The following MYL3 variants were observed in gnomAD, a reference collection of about 807,000 sequenced individuals.
MYL3 encodes the protein myosin light chain 3, also known as CMLC1.
Under a neutral mutation model 21.3 loss-of-function variants are expected in MYL3, and 11 were observed. The observed-to-expected ratio is 0.52, with a 90% CI of 0.32 to 0.85. The LOEUF (loss-of-function observed/expected upper bound fraction) is 0.85, where lower values mean the gene tolerates loss of function less well. Ranked by LOEUF, MYL3 falls within the 40% of genes least tolerant of loss-of-function variation. The pLI, the probability that MYL3 is intolerant of heterozygous loss-of-function variation, is 0.03. For missense variants in MYL3, 206 were observed against 253.3 expected, an observed-to-expected ratio of 0.81 and a Z score of 1.27; for synonymous variants, 88 against 91.6, an observed-to-expected ratio of 0.96 and a Z score of 0.22.
chr3:46,864,622 C>T (rs1048585837), upstream of MYL3, among the ~76,000 whole-genome samples: 2 of 152,198 alleles, frequency 1.3e-5, no homozygotes, highest in African/African-American at 4.8e-5. This position sits in a 1 kb window ranked among gnomAD's most constrained non-coding sequence, Gnocchi z 4.7. Context: ...ACATGTTGCC[C>T]TCTGCCGACC....
chr3:46,879,691 G>A lies in MYL3; in HGVS notation c.-218+2383C>T, dbSNP rs748436795. On this transcript the variant is annotated intron_variant, in intron 1 of 3. Coordinates refer to the MYL3 transcript ENST00000431168. The surrounding 1 kb of genome is among the most constrained non-coding windows in gnomAD (Gnocchi z 4.7). Reference sequence around the variant, plus strand: ...GAGCCCAGGAGGTCAAGGCTGCTGTGAGCCATGACCGTGCCACTGCACTCC... The same window carrying A: ...GAGCCCAGGAGGTCAAGGCTGCTGTAAGCCATGACCGTGCCACTGCACTCC... Among the ~76,000 whole-genome samples, 1 of 152,162 alleles carries A rather than the reference G, an allele frequency of 6.6e-6. No individual in the cohort carries two copies. The highest frequency in any genetic ancestry group is 1.5e-5 in the Non-Finnish European group (1 of 68,026).
At chr3:46,869,793 C>T (rs776657627) in intron 1 of MYL3, among the ~76,000 whole-genome samples, 13 of 152,090 alleles carry the variant, frequency 8.5e-5, no homozygotes, top group Non-Finnish European at 2.9e-5. Flanking sequence ...TGTTGAATGG[C>T]CAATTCAGTC....
rs776163180 is a variant in MYL3, at chr3:46,859,556, C to T, written c.400G>A (p.Val134Met). Residue 134 changes from valine to methionine, a missense_variant, in exon 4 of 7, where the codon GTG becomes ATG. Transcript: ENST00000292327. The surrounding 1 kb of genome is among the most constrained non-coding windows in gnomAD (Gnocchi z 4.1). ...NKDTGTYEDF[V>M]EGLRVFDKEG... is the part of the protein sequence containing the mutation. ...TTGTCGAAGACCCGCAGCCCCTCCA[C>T]GAAGTCCTCATAGGTGCCTGTGTCC... is the stretch of plus-strand genomic sequence containing the variant. 1.2e-6 allele frequency: 2 copies of T among 1,614,218 alleles called. No individual in the cohort carries two copies. Among genetic ancestry groups the T allele is most frequent in the Non-Finnish European group, 1.7e-6 (2 of 1,180,048 alleles).
chr3:46,865,194 G>A (rs1309368611), upstream of MYL3, among the ~76,000 whole-genome samples: 5 of 152,162 alleles, frequency 3.3e-5, no homozygotes, highest in Admixed American at 6.5e-5. This position sits in a 1 kb window ranked among gnomAD's most constrained non-coding sequence, Gnocchi z 4.3. Flanking sequence ...GGGCCAGCCC[G>A]CTCCTGACTG....
At chr3:46,870,266 C>T (rs1702096448) in intron 1 of MYL3, among the ~76,000 whole-genome samples, 1 of 151,978 alleles carries the variant, frequency 6.6e-6, no homozygotes. Flanking sequence ...GAAGTGGGCA[C>T]CAGACCAGGA....
upstream of MYL3, chr3:46,863,493 C>T: frequency 1.6e-6 from 2 of 1,282,918 alleles, no homozygotes; most frequent in South Asian, 2.6e-5. Flanking sequence ...TACCTCATGA[C>T]CCCAGCCCCA....
At chr3:46,863,466 C>T (rs754608065), upstream of MYL3, 6 of 1,535,742 alleles carry the variant, frequency 3.9e-6, no homozygotes, top group Non-Finnish European at 5.3e-6. Context: ...CTCACCCAGG[C>T]CTTTATCCTG....
upstream of MYL3, among the ~76,000 whole-genome samples, chr3:46,864,678 A>C (rs1702030219): frequency 6.6e-6 from 1 of 152,074 alleles, no homozygotes; most frequent in Non-Finnish European, 1.5e-5. This position sits in a 1 kb window ranked among gnomAD's most constrained non-coding sequence, Gnocchi z 4.7. Flanking sequence ...GAGGAACCCC[A>C]AGCTGCCAAG....
upstream of MYL3, among the ~76,000 whole-genome samples, chr3:46,865,667 G>C (rs1274489556): frequency 6.6e-6 from 1 of 152,332 alleles, no homozygotes; most frequent in African/African-American, 2.4e-5. The surrounding 1 kb of genome is among the most constrained non-coding windows in gnomAD (Gnocchi z 4.3). Context: ...CCAGTGACAA[G>C]AGCATCCTGG....
At position 46,879,189 on chromosome 3, in the gene MYL3, C is replaced by T. The variant is rs1440628936; in HGVS notation, c.-218+2885G>A. ...CATGAGTTATGGCAGGAGGAATGCC[C>T]TTAAGGGACCCAGCACCCATCAGAT... On this transcript the variant is annotated intron_variant, in intron 1 of 3. Transcript: ENST00000431168. The surrounding 1 kb of genome is among the most constrained non-coding windows in gnomAD (Gnocchi z 4.7). 1.3e-5 allele frequency among the ~76,000 whole-genome samples: 2 copies of T among 152,104 alleles called. No homozygotes were observed. The highest frequency in any genetic ancestry group is 2.9e-5 in the Non-Finnish European group (2 of 68,012).
chr3:46,877,859 G>C (rs925836387), intron 1 of MYL3: 1 of 152,288 alleles, frequency 6.6e-6, no homozygotes, highest in Non-Finnish European at 1.5e-5. Flanking sequence ...TGGGGGCCAG[G>C]GGAGCCTAGG....
In MYL3 at chr3:46,861,012, G is replaced by C; in HGVS notation, c.130-25C>G. 1 of 1,613,958 alleles carries C rather than the reference G, an allele frequency of 6.2e-7. No individual in the cohort carries two copies. Among genetic ancestry groups the C allele is most frequent in the South Asian group, 1.1e-5 (1 of 91,070 alleles). On this transcript the variant is annotated intron_variant, in intron 1 of 6. Transcript: ENST00000292327. This position sits in a 1 kb window ranked among gnomAD's most constrained non-coding sequence, Gnocchi z 4.2. ...TCTGAAAAGAGACCCCAAAGACTCAGATGCCCGGCTTAAAAGGTGGGGCCA... is the reference window on the plus strand; with the variant it reads ...TCTGAAAAGAGACCCCAAAGACTCACATGCCCGGCTTAAAAGGTGGGGCCA...
rs555552259 is a variant in MYL3, at chr3:46,874,575, G to A, written c.-218+7499C>T. On this transcript the variant is annotated intron_variant, in intron 1 of 3. Transcript: ENST00000431168. This position sits in a 1 kb window ranked among gnomAD's most constrained non-coding sequence, Gnocchi z 4.1. ...AGGGCCCAGCCGGCCTCTGGAACGC[G>A]TGCCCGGGACCTCGGTGATATTTTG... Among the ~76,000 whole-genome samples the A allele has an allele frequency of 3.3e-5, 5 of 152,282 alleles. No individual in the cohort carries two copies. The highest frequency in any genetic ancestry group is 2.0e-4 in the Admixed American group (3 of 15,292).
At position 46,858,364 on chromosome 3, in the gene MYL3, C is replaced by T. The variant is rs749013158; in HGVS notation, c.559+20G>A. 2.5e-6 allele frequency: 4 copies of T among 1,614,126 alleles called. No individual in the cohort carries two copies. The Admixed American group carries it at 6.7e-5, about 27-fold the overall frequency. ...CCCAGCACTCCCCTCCCAGAAGACC[C>T]CTGCCCCTGCTGAGCCCACCTTCAT... On this transcript the variant is annotated intron_variant, in intron 5 of 6. Coordinates refer to ENST00000292327, the MANE Select transcript of MYL3 (RefSeq NM_000258.3).
Position 46,859,918 on chromosome 3 carries a change from CCAGAA to C in MYL3, c.308-275_308-271del, listed in dbSNP as rs770731769. Among the ~76,000 whole-genome samples the C allele has an allele frequency of 1.3e-5, 2 of 152,174 alleles. No homozygotes were observed. The highest frequency in any genetic ancestry group is 4.8e-5 in the African/African-American group (2 of 41,444). On this transcript the variant is annotated intron_variant, in intron 3 of 6. Coordinates refer to ENST00000292327, the MANE Select transcript of MYL3 (RefSeq NM_000258.3). The surrounding 1 kb of genome is among the most constrained non-coding windows in gnomAD (Gnocchi z 4.1). ...CCTGAGCCACCACGGAGGGCTCTGT[CCAGAA>C]CCCCTTGCCTACTTTTGGGAAACAG...
chr3:46,865,494 C>T (rs1233494341), upstream of MYL3, among the ~76,000 whole-genome samples: 3 of 152,326 alleles, frequency 2.0e-5, no homozygotes, highest in South Asian at 6.2e-4. This position sits in a 1 kb window ranked among gnomAD's most constrained non-coding sequence, Gnocchi z 4.3. Context: ...CAGCCACCCA[C>T]AGACACCGCC....
chr3:46,858,704 G>T (rs929932011), intron 4 of MYL3, among the ~76,000 whole-genome samples: 1 of 152,144 alleles, frequency 6.6e-6, no homozygotes, highest in Non-Finnish European at 1.5e-5. Context: ...GGGTCCCTCC[G>T]CCAGGACGAA....
chr3:46,859,711 G>T lies in MYL3; in HGVS notation c.308-63C>A. ...TGGGGTGGGCACACCCCTCCCCCAT[G>T]CCTGATAATGAGGAGCTATCCCCAC... On this transcript the variant is annotated intron_variant, in intron 3 of 6. Transcript: ENST00000292327. The surrounding 1 kb of genome is among the most constrained non-coding windows in gnomAD (Gnocchi z 4.1). 6.4e-7 allele frequency: 1 copy of T among 1,570,904 alleles called. No homozygotes were observed. The highest frequency in any genetic ancestry group is 8.8e-7 in the Non-Finnish European group (1 of 1,141,222).
intron 1 of MYL3, among the ~76,000 whole-genome samples, chr3:46,875,406 C>G (rs376220779): frequency 4.4e-4 from 67 of 152,314 alleles, no homozygotes; most frequent in African/African-American, 1.6e-3. Flanking sequence ...TGTCAACAAC[C>G]CAAGGCCAGG....
Sources: gnomAD v4.1 joint callset for allele counts (sites outside exome capture counted in the v4.1 genomes callset) on GRCh38, gnomAD v4.1.1 for gene constraint, Gnocchi (gnomAD v3.1) non-coding constraint, MANE v1.5 for transcripts, NCBI Gene and HGNC (gene_info 2026-07-23, HGNC 2026-07-21) for gene names.